Variants in RGS10 observed in about 807,000 individuals in gnomAD.
RGS10 encodes regulator of G protein signaling 10, also known as regulator of G-protein signalling 10.
A neutral mutation model predicts 23.5 loss-of-function variants in RGS10; 11 were observed. The ratio of observed to expected loss-of-function variants is 0.47; its 90% confidence interval spans 0.29 to 0.77. RGS10 has a LOEUF of 0.77. Ranked by LOEUF, RGS10 falls within the 30% of genes least tolerant of loss-of-function variation. The probability of loss-of-function intolerance (pLI) is 0.08; values close to 1 mark genes in which losing one functional copy is unlikely to be tolerated. For synonymous variants in RGS10, 77 were observed against 83.2 expected (o/e 0.92, Z 0.41); for missense variants, 180 against 226.3 (o/e 0.80, Z 1.31).
intron 4 of RGS10, among the ~76,000 whole-genome samples, chr10:119,504,053 G>A (rs532852553): frequency 6.6e-6 from 1 of 152,192 alleles, no homozygotes; most frequent in Non-Finnish European, 1.5e-5. Context: ...TCTGCCACTC[G>A]CATGGCAGGA....
At chr10:119,536,389 C>G in intron 1 of RGS10, 3 of 1,404,506 alleles carry the variant, frequency 2.1e-6, no homozygotes, top group African/African-American at 2.8e-5. Flanking sequence ...CACACTCTTC[C>G]CAGCCCCTGC....
chr10:119,521,299 G>A (rs61874690), intron 3 of RGS10, among the ~76,000 whole-genome samples: 18,390 of 151,992 alleles, frequency 0.12, 1,362 homozygotes, highest in Middle Eastern at 0.22. Flanking sequence ...TGCTGGGCGT[G>A]GTGGTTCACA....
intron 4 of RGS10, among the ~76,000 whole-genome samples, chr10:119,504,742 A>G (rs1843990612): frequency 6.6e-6 from 1 of 152,128 alleles, no homozygotes; most frequent in South Asian, 2.1e-4. Context: ...GCAGAGGGAG[A>G]CATCGGTGAT....
At chr10:119,541,641 C>T (rs940686779) in intron 1 of RGS10, among the ~76,000 whole-genome samples, 16 of 152,144 alleles carry the variant, frequency 1.1e-4, no homozygotes, top group Non-Finnish European at 2.2e-4. Flanking sequence ...ACTCTGAGCG[C>T]CAAGCAGAAG....
intron 4 of RGS10, among the ~76,000 whole-genome samples, chr10:119,505,648 A>G (rs1167045718): frequency 6.6e-6 from 1 of 152,056 alleles, no homozygotes; most frequent in African/African-American, 2.4e-5. Flanking sequence ...CAGTGCCCCA[A>G]CTTCAGACTG....
chr10:119,524,311 GACA>G lies in RGS10; in HGVS notation c.255+1718_255+1720del, dbSNP rs1844248707. Among the ~76,000 whole-genome samples the G allele has an allele frequency of 3.3e-5, 5 of 152,204 alleles. No homozygotes were observed. In the South Asian group the frequency reaches 1.0e-3, roughly 32 times the overall value. On this transcript the variant is annotated intron_variant, in intron 3 of 4. Transcript: ENST00000369103. The surrounding 1 kb of genome is among the most constrained non-coding windows in gnomAD (Gnocchi z 5.2). The stretch of plus-strand genomic sequence containing the variant: ...AGGCACAGAGCAGCATGGTGGTGCA[GACA>G]ACAACGGGTGACTTCAGGGAGCTAG...
chr10:119,528,205 A>T (rs1286322589), intron 1 of RGS10, among the ~76,000 whole-genome samples: 3 of 151,932 alleles, frequency 2.0e-5, no homozygotes, highest in Admixed American at 6.6e-5. Flanking sequence ...TAATTTTTGT[A>T]TTCTTAATAG....
At chr10:119,506,515 C>T (rs1051867262) in intron 4 of RGS10, among the ~76,000 whole-genome samples, 3 of 152,228 alleles carry the variant, frequency 2.0e-5, no homozygotes, top group South Asian at 2.1e-4. Context: ...ACGCGTGTGG[C>T]GGTCACACGT....
intron 1 of RGS10, among the ~76,000 whole-genome samples, chr10:119,529,035 C>T (rs545100384): frequency 6.6e-6 from 1 of 152,252 alleles, no homozygotes; most frequent in Admixed American, 6.5e-5. Context: ...CCAAATAACA[C>T]ACTTTGGCCA....
At chr10:119,514,261 G>C (rs1306257376) in intron 4 of RGS10, among the ~76,000 whole-genome samples, 3 of 152,172 alleles carry the variant, frequency 2.0e-5, no homozygotes, top group Admixed American at 1.3e-4. Context: ...GGAGGCTGAG[G>C]CAGGAGAATC....
chr10:119,540,927 G>A (rs1844429723), intron 1 of RGS10, among the ~76,000 whole-genome samples: 1 of 152,148 alleles, frequency 6.6e-6, no homozygotes, highest in Non-Finnish European at 1.5e-5. Flanking sequence ...GGTGGAGAAA[G>A]GTGCTGGAAC....
intron 4 of RGS10, 40 bp downstream of exon 4, chr10:119,515,469 A>T (rs1844131129): frequency 1.2e-6 from 2 of 1,611,852 alleles, no homozygotes; most frequent in African/African-American, 2.7e-5. Flanking sequence ...GAATTAATGT[A>T]GGTTTTCAAA....
At chr10:119,513,025 A>G (rs993180386) in intron 4 of RGS10, among the ~76,000 whole-genome samples, 3 of 152,270 alleles carry the variant, frequency 2.0e-5, no homozygotes, top group African/African-American at 7.2e-5. Flanking sequence ...GAAAGTCTAC[A>G]GATAAAATAC....
At chr10:119,532,373 C>T (rs537421963) in intron 1 of RGS10, among the ~76,000 whole-genome samples, 9 of 152,246 alleles carry the variant, frequency 5.9e-5, no homozygotes, top group African/African-American at 2.2e-4. Flanking sequence ...AACTCAGGGT[C>T]CCCTGCTCAG....
intron 4 of RGS10, among the ~76,000 whole-genome samples, chr10:119,510,333 G>A (rs1844063136): frequency 6.6e-6 from 1 of 151,802 alleles, no homozygotes; most frequent in African/African-American, 2.4e-5. Flanking sequence ...ACCCCCTAAC[G>A]CACCTGCTGC....
At position 119,538,620 on chromosome 10, in the gene RGS10, A is replaced by C. The variant is rs942680672; in HGVS notation, c.49+3970T>G. Among the ~76,000 whole-genome samples, 2 of 152,158 alleles carry C rather than the reference A, an allele frequency of 1.3e-5. No individual in the cohort carries two copies. The highest frequency in any genetic ancestry group is 2.9e-5 in the Non-Finnish European group (2 of 68,012). On this transcript the variant is annotated intron_variant, in intron 1 of 4. Coordinates refer to ENST00000369103, the MANE Select transcript of RGS10 (RefSeq NM_001005339.2). This position sits in a 1 kb window ranked among gnomAD's most constrained non-coding sequence, Gnocchi z 4.5. ...GGGGTCCCCCACCAGGCAGTGGGGCAGCAAGGTGGACCTGAGGGAGCTTAG... is the reference window on the plus strand; with the variant it reads ...GGGGTCCCCCACCAGGCAGTGGGGCCGCAAGGTGGACCTGAGGGAGCTTAG...
intron 1 of RGS10, among the ~76,000 whole-genome samples, chr10:119,535,206 A>G (rs1426822054): frequency 6.6e-6 from 1 of 151,928 alleles, no homozygotes; most frequent in Non-Finnish European, 1.5e-5. Context: ...AACAGCCTTT[A>G]AGAGACCAAG....
rs1235479976 is a variant in RGS10 at position 119,517,131 on chromosome 10, A to T, written c.256-1479T>A. Reference sequence around the variant, plus strand: ...CTTCTGCCCTTAAGGAAACCACCAGAAGGTTTTGATAGCTGGGGCATGAAA... The same window carrying T: ...CTTCTGCCCTTAAGGAAACCACCAGTAGGTTTTGATAGCTGGGGCATGAAA... On this transcript the variant is annotated intron_variant, in intron 3 of 4. Coordinates refer to ENST00000369103, the MANE Select transcript of RGS10 (RefSeq NM_001005339.2). The surrounding 1 kb of genome is among the most constrained non-coding windows in gnomAD (Gnocchi z 5.0). 6.6e-6 allele frequency among the ~76,000 whole-genome samples: 1 copy of T among 152,138 alleles called. No homozygotes were observed. Among genetic ancestry groups the T allele is most frequent in the Non-Finnish European group, 1.5e-5 (1 of 68,020 alleles).
intron 4 of RGS10, among the ~76,000 whole-genome samples, chr10:119,514,365 A>G (rs1844115992): frequency 6.6e-6 from 1 of 151,004 alleles, no homozygotes; most frequent in Admixed American, 6.6e-5. Context: ...TCAAAGAAAA[A>G]AACCTGAAAA....
Sources: allele counts gnomAD v4.1 joint callset (sites outside exome capture counted in the v4.1 genomes callset), GRCh38; gene constraint gnomAD v4.1.1; non-coding constraint Gnocchi (gnomAD v3.1); transcripts MANE v1.5; gene names NCBI Gene and HGNC (gene_info 2026-07-23, HGNC 2026-07-21).